Variants in PRKCE observed in about 807,000 individuals in gnomAD.
The protein encoded by PRKCE is protein kinase C epsilon.
A neutral mutation model predicts 85.4 loss-of-function variants in PRKCE; 16 were observed. The ratio of observed to expected loss-of-function variants is 0.19; its 90% CI spans 0.13 to 0.28. PRKCE has a LOEUF of 0.28. Among genes scored for constraint, PRKCE ranks in the 10% least tolerant of loss-of-function variants. The pLI, the probability that PRKCE is intolerant of heterozygous loss-of-function variation, is 1.00. For missense variants in PRKCE, 573 were observed against 975.2 expected, an observed-to-expected ratio of 0.59 and a Z score of 5.49; for synonymous variants, 388 against 371.5, an observed-to-expected ratio of 1.04 and a Z score of -0.51.
At chr2:45,978,787 C>G in intron 3 of PRKCE, 189 bp from the exon 4 acceptor site, 1 of 579,406 alleles carries the variant, frequency 1.7e-6, no homozygotes, top group South Asian at 2.1e-5. Flanking sequence ...AGCACTGGGA[C>G]TGCCCTCTGT....
intron 10 of PRKCE, among the ~76,000 whole-genome samples, chr2:46,026,047 T>C (rs1004009534): frequency 2.6e-5 from 4 of 152,234 alleles, no homozygotes; most frequent in African/African-American, 9.6e-5. Flanking sequence ...TGTGCATCCA[T>C]ATCCCAGGAA....
intron 2 of PRKCE, among the ~76,000 whole-genome samples, chr2:45,962,162 A>G (rs546743688): frequency 6.6e-6 from 1 of 152,362 alleles, no homozygotes; most frequent in South Asian, 2.1e-4. Flanking sequence ...AAGTAAAGAC[A>G]CAACTCTTGG....
intron 1 of PRKCE, among the ~76,000 whole-genome samples, chr2:45,681,260 G>A (rs1349271149): frequency 8.8e-6 from 1 of 113,444 alleles, no homozygotes; most frequent in African/African-American, 3.5e-5. Context: ...CTGCACTCCA[G>A]CCTGGGAGAC....
intron 11 of PRKCE, among the ~76,000 whole-genome samples, chr2:46,143,301 T>C (rs1675742939): frequency 6.6e-6 from 1 of 151,994 alleles, no homozygotes; most frequent in Admixed American, 6.6e-5. Flanking sequence ...ATCGTGTGTG[T>C]CATGGGGGTT....
intron 6 of PRKCE, among the ~76,000 whole-genome samples, chr2:45,986,636 G>C (rs955341185): frequency 2.0e-5 from 3 of 152,122 alleles, no homozygotes; most frequent in Non-Finnish European, 2.9e-5. Flanking sequence ...AGTCTTTTTT[G>C]AAGTAGGAGG....
chr2:45,870,717 G>A (rs760112576), intron 2 of PRKCE, among the ~76,000 whole-genome samples: 3 of 152,140 alleles, frequency 2.0e-5, no homozygotes, highest in East Asian at 1.9e-4. Flanking sequence ...AGTTTCTATC[G>A]GTTACCTTAA....
chr2:46,105,659 C>T (rs1237924076), intron 11 of PRKCE, among the ~76,000 whole-genome samples: 1 of 152,126 alleles, frequency 6.6e-6, no homozygotes, highest in Admixed American at 6.6e-5. Flanking sequence ...CAAGAACCAC[C>T]AGAGATCACT....
In PRKCE at chr2:46,155,973, T is replaced by A. The variant is rs1277666059; in HGVS notation, c.1921-3633T>A. Among the ~76,000 whole-genome samples the A allele has an allele frequency of 1.4e-5, 2 of 146,878 alleles. No homozygotes were observed. The highest frequency in any genetic ancestry group is 6.9e-5 in the Admixed American group (1 of 14,480). On this transcript the variant is annotated intron_variant, in intron 13 of 14. Coordinates refer to ENST00000306156, the MANE Select transcript of PRKCE (RefSeq NM_005400.3). The surrounding 1 kb of genome is among the most constrained non-coding windows in gnomAD (Gnocchi z 4.7). ...ATACATATGTAACTAACCTGCACAA[T>A]GTGCACATGTACCCTAAAACTTAAA...
intron 2 of PRKCE, among the ~76,000 whole-genome samples, chr2:45,956,537 T>G (rs1240787780): frequency 4.0e-5 from 6 of 150,382 alleles, no homozygotes; most frequent in Admixed American, 2.6e-4. Context: ...AAAAAAAAAT[T>G]AGCCAGGTGT....
At chr2:45,676,542 A>T (rs532274350) in intron 1 of PRKCE, among the ~76,000 whole-genome samples, 46 of 152,368 alleles carry the variant, frequency 3.0e-4, no homozygotes, top group Admixed American at 8.5e-4. Context: ...AGATGGTTCT[A>T]TTGGGATATA....
chr2:45,948,460 T>C (rs1700387880), intron 2 of PRKCE, among the ~76,000 whole-genome samples: 1 of 152,128 alleles, frequency 6.6e-6, no homozygotes. Flanking sequence ...GGCAACACAC[T>C]GAGACCCTGT....
At chr2:45,922,898 C>A (rs114493722) in intron 2 of PRKCE, among the ~76,000 whole-genome samples, 15 of 152,280 alleles carry the variant, frequency 9.9e-5, no homozygotes, top group African/African-American at 3.6e-4. Context: ...CTTGAGGGTA[C>A]ATCCTTCACA....
chr2:45,700,829 A>G (rs1349763589), intron 1 of PRKCE, among the ~76,000 whole-genome samples: 1 of 152,230 alleles, frequency 6.6e-6, no homozygotes, highest in Non-Finnish European at 1.5e-5. Flanking sequence ...GGGGAAATTC[A>G]GATGCAGAGG....
intron 2 of PRKCE, among the ~76,000 whole-genome samples, chr2:45,915,609 G>A (rs1024874985): frequency 6.6e-6 from 1 of 152,228 alleles, no homozygotes; most frequent in African/African-American, 2.4e-5. Flanking sequence ...CCTAGAGGCA[G>A]ATGTAGATTT....
At chr2:45,872,600 G>C (rs1044204377) in intron 2 of PRKCE, among the ~76,000 whole-genome samples, 3 of 152,168 alleles carry the variant, frequency 2.0e-5, no homozygotes, top group African/African-American at 7.2e-5. Flanking sequence ...CAGCGTGGTG[G>C]GGATAAGAAG....
chr2:45,852,141 G>T (rs1692317171), intron 2 of PRKCE: 2 of 152,228 alleles, frequency 1.3e-5, no homozygotes, highest in African/African-American at 4.8e-5. Flanking sequence ...GCTTTCATTA[G>T]CTCTGCCCTT....
chr2:46,090,546 C>G (rs1670067318), intron 11 of PRKCE, among the ~76,000 whole-genome samples: 1 of 152,206 alleles, frequency 6.6e-6, no homozygotes, highest in Non-Finnish European at 1.5e-5. Context: ...CTTCTAGTCT[C>G]TCCTGCCCCA....
At chr2:45,976,922 A>G (rs1159437339) in intron 3 of PRKCE, among the ~76,000 whole-genome samples, 1 of 148,108 alleles carries the variant, frequency 6.8e-6, no homozygotes, top group Non-Finnish European at 1.5e-5. Flanking sequence ...TTTGAGACAG[A>G]GTCTAGCTCT....
At chr2:46,113,185 A>G (rs1247048510) in intron 11 of PRKCE, among the ~76,000 whole-genome samples, 1 of 152,196 alleles carries the variant, frequency 6.6e-6, no homozygotes, top group Non-Finnish European at 1.5e-5. Context: ...GGCTAAGAAT[A>G]ATTACCCTAA....
Sources: allele counts gnomAD v4.1 joint callset (sites outside exome capture counted in the v4.1 genomes callset), GRCh38; gene constraint gnomAD v4.1.1; non-coding constraint Gnocchi (gnomAD v3.1); transcripts MANE v1.5; gene names NCBI Gene and HGNC (gene_info 2026-07-23, HGNC 2026-07-21).